Variants in LPP observed in about 807,000 individuals in gnomAD.
LPP encodes LIM domain containing preferred translocation partner in lipoma.
A neutral mutation model predicts 60.4 loss-of-function variants in LPP; 38 were observed. The ratio of observed to expected loss-of-function variants is 0.63; its 90% CI spans 0.49 to 0.83. The LOEUF (loss-of-function observed/expected upper bound fraction) is 0.83, where lower values mean the gene tolerates loss of function less well. LPP is among the 40% of genes least tolerant of loss of function. LPP has a pLI of 0.00. For missense variants in LPP, 902 were observed against 783.6 expected (o/e 1.15, Z -1.80); for synonymous variants, 328 against 290.8 (o/e 1.13, Z -1.30).
chr3:188,340,734 A>G (rs1490111339), intron 2 of LPP, among the ~76,000 whole-genome samples: 1 of 152,124 alleles, frequency 6.6e-6, no homozygotes, highest in African/African-American at 2.4e-5. Flanking sequence ...TTAAAATCTT[A>G]AAAGTTTTTG....
At chr3:188,368,232 T>G (rs1419892214) in intron 3 of LPP, among the ~76,000 whole-genome samples, 1 of 152,228 alleles carries the variant, frequency 6.6e-6, no homozygotes, top group Non-Finnish European at 1.5e-5. Context: ...CAAAACTTTG[T>G]TGGCTTCTGG....
intron 8 of LPP, among the ~76,000 whole-genome samples, chr3:188,728,515 G>A (rs1719234200): frequency 6.6e-6 from 1 of 152,168 alleles, no homozygotes; most frequent in Non-Finnish European, 1.5e-5. Flanking sequence ...AGTTGACCAA[G>A]AGATAATAAG....
chr3:188,749,754 T>A (rs1260970863), intron 8 of LPP, among the ~76,000 whole-genome samples: 1 of 152,246 alleles, frequency 6.6e-6, no homozygotes, highest in Admixed American at 6.5e-5. Flanking sequence ...ATAGAAATTA[T>A]GAAGTTTTAT....
At chr3:188,760,409 G>GGTGTGGTGT (rs1731823402) in intron 9 of LPP, 127 bp downstream of exon 9, 2 of 601,656 alleles carry the variant, frequency 3.3e-6, no homozygotes, top group Non-Finnish European at 5.9e-6. Flanking sequence ...GTGTGTGTGG[G>GGTGTGGTGT]GTGTGTGTGT....
At chr3:188,230,333 C>T (rs1433342896) in intron 2 of LPP, among the ~76,000 whole-genome samples, 1 of 152,166 alleles carries the variant, frequency 6.6e-6, no homozygotes, top group Non-Finnish European at 1.5e-5. Flanking sequence ...ATCCATCCAC[C>T]TTGGCCCTCC....
chr3:188,310,983 T>C (rs1178787413), intron 2 of LPP, among the ~76,000 whole-genome samples: 1 of 152,164 alleles, frequency 6.6e-6, no homozygotes, highest in South Asian at 2.1e-4. Context: ...TAGCTTTCTG[T>C]TTCACAGCTG....
intron 2 of LPP, among the ~76,000 whole-genome samples, chr3:188,280,959 G>T (rs1376300692): frequency 6.8e-6 from 1 of 146,928 alleles, no homozygotes; most frequent in Non-Finnish European, 1.5e-5. Flanking sequence ...TTTTAAGAGG[G>T]AATCTTGCTG....
intron 2 of LPP, among the ~76,000 whole-genome samples, chr3:188,310,728 AGTTAGGG>A (rs367618263): frequency 6.6e-6 from 1 of 152,110 alleles, no homozygotes; most frequent in African/African-American, 2.4e-5. Context: ...CTTCTTGGGC[AGTTAGGG>A]TGTCAATGGC....
intron 7 of LPP, among the ~76,000 whole-genome samples, chr3:188,641,105 A>G (rs534084380): frequency 6.6e-6 from 1 of 152,388 alleles, no homozygotes; most frequent in African/African-American, 2.4e-5. Context: ...AGAAGTAATT[A>G]AGGCTCCACA....
rs1165542071 is a variant in LPP, at chr3:188,760,168, C to T, written c.1296C>T (p.Ala432=). The change falls in exon 9 of 12, where the codon GCC becomes GCT. Residue 432 remains alanine, a synonymous_variant. Transcript: ENST00000617246. ...TTGGGGAAGGTACAGGATGCACTGC[C>T]ATGGATCAGGTCTTCCACGTGGATT... is the stretch of plus-strand genomic sequence containing the variant. The part of the protein sequence containing the change: ...NVVGEGTGCT[A]MDQVFHVDCF... 5.6e-6 allele frequency: 9 copies of T among 1,614,102 alleles called. No homozygotes were observed. Among genetic ancestry groups the T allele is most frequent in the East Asian group, 2.2e-5 (1 of 44,872 alleles).
intron 5 of LPP, among the ~76,000 whole-genome samples, chr3:188,515,300 C>T (rs1486794453): frequency 6.6e-6 from 1 of 152,070 alleles, no homozygotes; most frequent in East Asian, 1.9e-4. Context: ...AGCCTTGTTC[C>T]TCCTCTCGCC....
At chr3:188,780,858 A>G (rs914359609) in intron 9 of LPP, among the ~76,000 whole-genome samples, 30 of 152,192 alleles carry the variant, frequency 2.0e-4, no homozygotes, top group African/African-American at 7.0e-4. Context: ...AGTTCTTTCC[A>G]GTAATCCCAG....
chr3:188,869,746 T>C (rs929218770), intron 10 of LPP, among the ~76,000 whole-genome samples: 1 of 152,192 alleles, frequency 6.6e-6, no homozygotes, highest in African/African-American at 2.4e-5. Flanking sequence ...CTGCACTTTG[T>C]GTAACAAGGT....
At chr3:188,308,994 C>T (rs1752495480) in intron 2 of LPP, among the ~76,000 whole-genome samples, 1 of 70,146 alleles carries the variant, frequency 1.4e-5, no homozygotes, top group Admixed American at 2.0e-4. Flanking sequence ...TCCCTCCTCT[C>T]CTTCTCCTTC....
intron 9 of LPP, among the ~76,000 whole-genome samples, chr3:188,826,536 C>T (rs1755553614): frequency 6.6e-6 from 1 of 152,130 alleles, no homozygotes; most frequent in Admixed American, 6.5e-5. Context: ...TCTAGGCCAT[C>T]CATGGTCTTA....
Position 188,877,161 on chromosome 3 carries a change from A to G in LPP, c.*2682A>G, listed in dbSNP as rs1167844096. 1.7e-5 allele frequency: 3 copies of G among 174,122 alleles called. No individual in the cohort carries two copies. The highest frequency in any genetic ancestry group is 2.0e-4 in the East Asian group (2 of 9,978). 10.8% of individuals were successfully genotyped at this position (174,122 alleles called of 1,614,324 possible). On this transcript the variant is annotated 3_prime_UTR_variant, in exon 12 of 12. Transcript: ENST00000617246. ...TATGATTTATATTACTGTCTTTTCT[A>G]TTAATCATTTGATTTAAACAATGCC...
intron 7 of LPP, among the ~76,000 whole-genome samples, chr3:188,627,846 A>G (rs534215752): frequency 4.6e-5 from 7 of 152,284 alleles, no homozygotes; most frequent in Admixed American, 3.9e-4. Flanking sequence ...ATACTCTAAG[A>G]TTGACTACAC....
intron 4 of LPP, 47 bp downstream of exon 4, chr3:188,406,360 A>C: frequency 6.6e-7 from 1 of 1,523,146 alleles, no homozygotes. Flanking sequence ...AGGAAAATTC[A>C]GTTATATAGG....
In LPP at chr3:188,397,292, C is replaced by T. The variant is rs907611114; in HGVS notation, c.-9-8820C>T. On this transcript the variant is annotated intron_variant, in intron 3 of 11. Coordinates refer to ENST00000617246, the MANE Select transcript of LPP (RefSeq NM_001375462.1). ...AAGTTTCTTTAGCTTCTCTAAATCTCGGTATTTGAATACTCAAATTAGAAG... is the reference window on the plus strand; with the variant it reads ...AAGTTTCTTTAGCTTCTCTAAATCTTGGTATTTGAATACTCAAATTAGAAG... Among the ~76,000 whole-genome samples the T allele has an allele frequency of 3.3e-5, 5 of 152,194 alleles. No homozygotes were observed. The South Asian group carries it at 6.2e-4, about 19-fold the overall frequency.
Sources: allele counts gnomAD v4.1 joint callset (sites outside exome capture counted in the v4.1 genomes callset), GRCh38; gene constraint gnomAD v4.1.1; transcripts MANE v1.5; gene names NCBI Gene and HGNC (gene_info 2026-07-23, HGNC 2026-07-21).